PFKP: variants seen among roughly 807,000 people sequenced by gnomAD.
The protein encoded by PFKP is phosphofructokinase, platelet, also known as ATP-dependent 6-phosphofructokinase, platelet type.
A neutral mutation model predicts 94.3 loss-of-function variants in PFKP; 101 were observed. That is an observed-to-expected ratio of 1.07 (90% CI 0.91 to 1.26). The LOEUF is 1.26. Among genes scored for constraint, PFKP ranks in the 50% most tolerant of loss-of-function variants. The pLI is 0.00. For synonymous variants in PFKP, 573 were observed against 432.6 expected, an observed-to-expected ratio of 1.32 and a Z score of -4.03; for missense variants, 1,145 against 1,103.3, an observed-to-expected ratio of 1.04 and a Z score of -0.53.
intron 1 of PFKP, among the ~76,000 whole-genome samples, chr10:3,079,223 C>G (rs1016486343): frequency 1.4e-5 from 2 of 144,232 alleles, no homozygotes; most frequent in Non-Finnish European, 3.0e-5. Context: ...CTGGGGTCAC[C>G]TTGTGTATCA....
At position 3,129,755 on chromosome 10, in the gene PFKP, G is replaced by A. The variant is rs150610777; in HGVS notation, c.1684-64G>A. 5.6e-4 allele frequency: 873 copies of A among 1,571,048 alleles called. 2 individuals carry two copies. In the African/African-American group the frequency reaches 0.011, roughly 19 times the overall value. On this transcript the variant is annotated intron_variant, in intron 16 of 21. Coordinates refer to ENST00000381125, the MANE Select transcript of PFKP (RefSeq NM_002627.5). ...CCTTGCTGCACTCACTCTTGGGGGA[G>A]CTCTGGGATGGTGGGCGCGCCCCGG...
At position 3,132,249 on chromosome 10, in the gene PFKP, C is replaced by T. The variant is rs140385410; in HGVS notation, c.1849-131C>T. 6.7e-4 allele frequency: 443 copies of T among 658,180 alleles called. 1 individual carries two copies. Among genetic ancestry groups the T allele is most frequent in the Non-Finnish European group, 1.0e-3 (355 of 354,584 alleles). 40.8% of individuals were successfully genotyped at this position (658,180 alleles called of 1,614,324 possible). The stretch of plus-strand genomic sequence containing the variant: ...GGAGGAGGCTCCCCAAGACCCAAGC[C>T]GCGAGAGCTGCAGCCTCCTTGGCCA... On this transcript the variant is annotated intron_variant, in intron 17 of 21. Coordinates refer to ENST00000381125, the MANE Select transcript of PFKP (RefSeq NM_002627.5).
chr10:3,136,016 A>T (rs2131755430), intron 21 of PFKP, among the ~76,000 whole-genome samples, 178 bp downstream of exon 21: 3 of 152,256 alleles, frequency 2.0e-5, no homozygotes, highest in Middle Eastern at 6.8e-3. Flanking sequence ...CTATAATCCC[A>T]GCACTGTGGG....
intron 5 of PFKP, 169 bp from the exon 6 acceptor site, chr10:3,104,946 T>G: frequency 7.2e-6 from 5 of 694,644 alleles, no homozygotes; most frequent in Non-Finnish European, 7.8e-6. Flanking sequence ...TTTGCCTTAG[T>G]AGAAAATGGA....
rs1839417110 is a variant in PFKP at position 3,136,702 on chromosome 10, T to C, written c.*123T>C. 6 of 1,019,720 alleles carry C rather than the reference T, an allele frequency of 5.9e-6. No homozygotes were observed. The highest frequency in any genetic ancestry group is 2.8e-5 in the East Asian group (1 of 36,248). 63.2% of individuals were successfully genotyped at this position (1,019,720 alleles called of 1,614,324 possible). A position where few individuals can be genotyped will look rare whatever the true frequency, so the allele number is the denominator to read the frequency against. Reference sequence around the variant, plus strand: ...TTAATACCTAATCGGCGAGTGCCCATCTGCCCCACCTGCTCCAGTGCGTGC... The same window carrying C: ...TTAATACCTAATCGGCGAGTGCCCACCTGCCCCACCTGCTCCAGTGCGTGC... On this transcript the variant is annotated 3_prime_UTR_variant, in exon 22 of 22. Transcript: ENST00000381125.
chr10:3,110,884 ATG>A (rs201838548), intron 10 of PFKP, among the ~76,000 whole-genome samples: 6,493 of 151,500 alleles, frequency 0.043, 300 homozygotes, highest in African/African-American at 0.12. Context: ...GTCTGCATGT[ATG>A]TGTGTGCATG....
chr10:3,074,833 A>G (rs2388550), intron 1 of PFKP, among the ~76,000 whole-genome samples: 30,197 of 152,164 alleles, frequency 0.2, 3,211 homozygotes, highest in East Asian at 0.31. Flanking sequence ...AGACCAGCTC[A>G]GTCGGGGAGA....
At chr10:3,082,534 T>TCACCCCTGCCTCCCC in intron 2 of PFKP, 73 bp downstream of exon 2, 1 of 1,087,302 alleles carries the variant, frequency 9.2e-7, no homozygotes, top group Non-Finnish European at 1.4e-6. Flanking sequence ...CGGCGCTCGC[T>TCACCCCTGCCTCCCC]CACCCCTGCC....
chr10:3,071,355 A>G (rs116398746), intron 1 of PFKP, among the ~76,000 whole-genome samples: 1,681 of 141,652 alleles, frequency 0.012, 31 homozygotes, highest in African/African-American at 0.043. Flanking sequence ...TGAAGAAAGT[A>G]TTTCTCAGGC....
Position 3,130,003 on chromosome 10 carries a change from T to G in PFKP, c.1848+20T>G, listed in dbSNP as rs200858269. ...CTGCAGGTATGTGACGGGGCTGGCC[T>G]CAGGGCCCGTCCCCTTGGGATCCAC... On this transcript the variant is annotated intron_variant, in intron 17 of 21. Transcript: ENST00000381125. 3.5e-5 allele frequency: 54 copies of G among 1,551,008 alleles called. No homozygotes were observed. In the East Asian group the frequency reaches 1.2e-3, roughly 34 times the overall value.
chr10:3,107,520 G>A (rs748121288), intron 8 of PFKP, among the ~76,000 whole-genome samples: 12 of 152,242 alleles, frequency 7.9e-5, no homozygotes, highest in Admixed American at 1.3e-4. Flanking sequence ...ACCTCTTGCC[G>A]AGCCCGTAGA....
At chr10:3,067,769 CGAA>C (rs2131357939) in intron 1 of PFKP, 62 bp downstream of exon 1, 4 of 832,200 alleles carry the variant, frequency 4.8e-6, no homozygotes, top group Non-Finnish European at 3.5e-6. Flanking sequence ...GAGAACCGGG[CGAA>C]GGCGATGGGG....
rs770898471 is a variant in PFKP, at chr10:3,112,177, C to G, written c.1090-45C>G. 2.0e-6 allele frequency: 3 copies of G among 1,488,582 alleles called. No individual in the cohort carries two copies. The East Asian group carries it at 6.8e-5, about 34-fold the overall frequency. The allele number at this position is 1,488,582 out of a possible 1,614,324, so 92.2% of individuals were successfully genotyped here. Reference sequence around the variant, plus strand: ...TCTACCTACCCCATCCATGATGCACCAGGTCCTGACACATTCTTTCTTCTT... The same window carrying G: ...TCTACCTACCCCATCCATGATGCACGAGGTCCTGACACATTCTTTCTTCTT... On this transcript the variant is annotated intron_variant, in intron 10 of 21. Coordinates refer to ENST00000381125, the MANE Select transcript of PFKP (RefSeq NM_002627.5).
intron 8 of PFKP, 27 bp from the exon 9 acceptor site, chr10:3,108,674 G>A (rs768668532): frequency 4.8e-5 from 76 of 1,575,100 alleles, no homozygotes; most frequent in Non-Finnish European, 6.0e-5. Context: ...TCACAGTTCC[G>A]CATCCTAACG....
intron 1 of PFKP, among the ~76,000 whole-genome samples, chr10:3,074,569 G>A (rs561948766): frequency 6.6e-6 from 1 of 152,318 alleles, no homozygotes; most frequent in East Asian, 1.9e-4. Context: ...GGGGCACGTG[G>A]CAGGGCAGCC....
At chr10:3,084,664 A>G (rs1290671462) in intron 2 of PFKP, among the ~76,000 whole-genome samples, 2 of 147,848 alleles carry the variant, frequency 1.4e-5, no homozygotes, top group African/African-American at 5.0e-5. Context: ...AGGGATGTGG[A>G]ATGAGCACAG....
chr10:3,121,790 TTTC>T (rs1177320770), intron 16 of PFKP, among the ~76,000 whole-genome samples: 6 of 44,598 alleles, frequency 1.3e-4, no homozygotes, highest in Non-Finnish European at 2.8e-4. Context: ...GGTTAAACAA[TTTC>T]TTTTTTTTTC....
intron 16 of PFKP, among the ~76,000 whole-genome samples, chr10:3,122,728 G>A (rs931299606): frequency 6.6e-6 from 1 of 152,202 alleles, no homozygotes; most frequent in Non-Finnish European, 1.5e-5. Flanking sequence ...TAGGTTTGAG[G>A]TCTGTAGATG....
intron 13 of PFKP, among the ~76,000 whole-genome samples, chr10:3,114,211 G>A (rs1384377982): frequency 2.6e-4 from 39 of 151,476 alleles, no homozygotes; most frequent in Admixed American, 2.2e-3. Context: ...GTGCAATGGC[G>A]TGATCTTGGC....
Sources: gnomAD v4.1 joint callset for allele counts (sites outside exome capture counted in the v4.1 genomes callset) on GRCh38, gnomAD v4.1.1 for gene constraint, MANE v1.5 for transcripts, NCBI Gene and HGNC (gene_info 2026-07-23, HGNC 2026-07-21) for gene names.